TLCD3B: variants seen among roughly 807,000 people sequenced by gnomAD.
TLCD3B encodes the protein TLC domain containing 3B.
A neutral mutation model predicts 23.0 loss-of-function variants in TLCD3B; 9 were observed. That is an observed-to-expected ratio of 0.39 (90% CI 0.24 to 0.68). The LOEUF is 0.68. TLCD3B is among the 30% of genes least tolerant of loss of function. The pLI is 0.44. For synonymous variants in TLCD3B, 161 were observed against 161.0 expected (o/e 1.00, Z 0.00); for missense variants, 307 against 371.8 (o/e 0.83, Z 1.43).
At chr16:30,048,727 C>T (rs2071709048) in intron 1 of TLCD3B, among the ~76,000 whole-genome samples, 1 of 151,982 alleles carries the variant, frequency 6.6e-6, no homozygotes, top group Admixed American at 6.6e-5. Flanking sequence ...CTGCCTCAGC[C>T]TCCCGAGTAG....
Position 30,025,593 on chromosome 16 carries a change from C to G in TLCD3B, c.541-126G>C, listed in dbSNP as rs1451061921. On this transcript the variant is annotated intron_variant, in intron 4 of 4. Coordinates refer to ENST00000380495, the MANE Select transcript of TLCD3B (RefSeq NM_031478.6). The surrounding 1 kb of genome is among the most constrained non-coding windows in gnomAD (Gnocchi z 4.1). ...ACCAGACACTTTGCCAGGACACAAGCACCAGGTGCTCAAAATGCACGGGGT... is the reference window on the plus strand; with the variant it reads ...ACCAGACACTTTGCCAGGACACAAGGACCAGGTGCTCAAAATGCACGGGGT... The G allele has an allele frequency of 6.7e-7, 1 of 1,492,112 alleles. No homozygotes were observed. The allele number at this position is 1,492,112 out of a possible 1,614,324, so 92.4% of individuals were successfully genotyped here.
intron 3 of TLCD3B, 30 bp downstream of exon 3, chr16:30,026,579 A>ACC: frequency 8.8e-6 from 14 of 1,585,734 alleles, no homozygotes; most frequent in Non-Finnish European, 9.5e-6. Context: ...GGCCACCCGC[A>ACC]CCCCGCCCGC....
At chr16:30,046,432 G>A (rs901596785) in intron 1 of TLCD3B, 3 of 152,230 alleles carry the variant, frequency 2.0e-5, no homozygotes, top group Non-Finnish European at 2.9e-5. Flanking sequence ...CTGTGAATAA[G>A]TAAACAATAA....
In TLCD3B at chr16:30,025,160, G is replaced by A. The variant is rs749564235; in HGVS notation, c.*23C>T. ...TCTCCACGGGGGTGGGGGTGGGGAG[G>A]GGGAGGGTCCCGGCCCCCGGCCTCA... is the stretch of plus-strand genomic sequence containing the variant. On this transcript the variant is annotated 3_prime_UTR_variant, in exon 5 of 5. Transcript: ENST00000380495. This position sits in a 1 kb window ranked among gnomAD's most constrained non-coding sequence, Gnocchi z 4.1. 2.1e-6 allele frequency: 3 copies of A among 1,400,458 alleles called. No homozygotes were observed. The African/African-American group carries it at 4.4e-5, about 21-fold the overall frequency. 86.8% of individuals were successfully genotyped at this position (1,400,458 alleles called of 1,614,324 possible).
chr16:30,049,037 C>T (rs2071713644), intron 1 of TLCD3B, among the ~76,000 whole-genome samples: 1 of 152,216 alleles, frequency 6.6e-6, no homozygotes, highest in Admixed American at 6.5e-5. Context: ...TCCCAAAGTG[C>T]TGGGATTACA....
At chr16:30,026,929 GC>G in intron 2 of TLCD3B, 86 bp from the exon 3 acceptor site, 3 of 1,150,750 alleles carry the variant, frequency 2.6e-6, no homozygotes, top group Non-Finnish European at 3.8e-6. Context: ...CAGCACAGCA[GC>G]CCTGGACAGG....
At chr16:30,036,376 C>A in intron 3 of TLCD3B, 2 of 1,287,030 alleles carry the variant, frequency 1.6e-6, no homozygotes, top group Non-Finnish European at 2.0e-6. Flanking sequence ...ACATAGATAT[C>A]ATTTTTGTTT....
At position 30,030,610 on chromosome 16, in the gene TLCD3B, G is replaced by T; in HGVS notation, c.-83C>A. ...GTGGAAGGAGTTAGGGGTGGAGAAG[G>T]GACGCCAAGCCCGGGAAGGAGGGAG... is the stretch of plus-strand genomic sequence containing the variant. On this transcript the variant is annotated 5_prime_UTR_variant, in exon 1 of 5. Coordinates refer to ENST00000380495, the MANE Select transcript of TLCD3B (RefSeq NM_031478.6). 2 of 1,441,680 alleles carry T rather than the reference G, an allele frequency of 1.4e-6. No homozygotes were observed. Among genetic ancestry groups the T allele is most frequent in the South Asian group, 1.5e-5 (1 of 66,376 alleles). The allele number at this position is 1,441,680 out of a possible 1,614,324, so 89.3% of individuals were successfully genotyped here.
At chr16:30,044,769 G>A (rs2071631701) in intron 2 of TLCD3B, among the ~76,000 whole-genome samples, 1 of 152,096 alleles carries the variant, frequency 6.6e-6, no homozygotes, top group East Asian at 1.9e-4. Context: ...CTGGAGGCTG[G>A]CTCTCTCCTT....
chr16:30,025,146 G>T lies in TLCD3B; in HGVS notation c.*37C>A, dbSNP rs554564509. 2,885 of 1,298,676 alleles carry T rather than the reference G, an allele frequency of 2.2e-3. 5 individuals are homozygous for T. Among genetic ancestry groups the T allele is most frequent in the Middle Eastern group, 2.8e-3 (10 of 3,632 alleles). The allele number at this position is 1,298,676 out of a possible 1,614,324, so 80.4% of individuals were successfully genotyped here. A position where few individuals can be genotyped will look rare whatever the true frequency, so the allele number is the denominator to read the frequency against. On this transcript the variant is annotated 3_prime_UTR_variant, in exon 5 of 5. Transcript: ENST00000380495. This position sits in a 1 kb window ranked among gnomAD's most constrained non-coding sequence, Gnocchi z 4.1. The stretch of plus-strand genomic sequence containing the variant: ...GCCCCAGAGCCCTGTCTCCACGGGG[G>T]TGGGGGTGGGGAGGGGGAGGGTCCC...
intron 3 of TLCD3B, among the ~76,000 whole-genome samples, chr16:30,039,401 G>T (rs183585322): frequency 6.6e-6 from 1 of 152,054 alleles, no homozygotes; most frequent in Non-Finnish European, 1.5e-5. Flanking sequence ...GGGATTACAG[G>T]TGTGAGCCAC....
intron 2 of TLCD3B, among the ~76,000 whole-genome samples, chr16:30,027,986 C>T (rs939960770): frequency 6.6e-6 from 1 of 152,126 alleles, no homozygotes; most frequent in Non-Finnish European, 1.5e-5. Context: ...CCAGCAGGGA[C>T]GGTACCAGGG....
Position 30,025,305 on chromosome 16 carries a change from T to A in TLCD3B, c.703A>T (p.Asn235Tyr). Residue 235 changes from asparagine (N) to tyrosine (Y), a missense_variant, in exon 5 of 5, where the codon AAC becomes TAC. Coordinates refer to ENST00000380495, the MANE Select transcript of TLCD3B (RefSeq NM_031478.6). This position sits in a 1 kb window ranked among gnomAD's most constrained non-coding sequence, Gnocchi z 4.1. ...GCCAGGAGCAGCGCAGCGCCCAGGT[T>A]GACGTGGGCAGGGATGGCCAGGGGC... ...AVPLAIPAHV[N>Y]LGAALLLAPQ... The A allele has an allele frequency of 6.4e-7, 1 of 1,560,660 alleles. No individual in the cohort carries two copies. The highest frequency in any genetic ancestry group is 8.7e-7 in the Non-Finnish European group (1 of 1,152,006).
At chr16:30,046,011 G>C (rs966761179) in intron 2 of TLCD3B, among the ~76,000 whole-genome samples, 1 of 152,110 alleles carries the variant, frequency 6.6e-6, no homozygotes. Flanking sequence ...TTAGGAGGCT[G>C]AGGTGAGAGG....
rs1018184417 is a variant in TLCD3B, at chr16:30,039,103, C to CTTTTTTTTTTTTTTTT, written c.-67+1876_-67+1891dup. 1.0e-4 allele frequency among the ~76,000 whole-genome samples: 10 copies of CTTTTTTTTTTTTTTTT among 99,616 alleles called. 4 individuals are homozygous for CTTTTTTTTTTTTTTTT. The highest frequency in any genetic ancestry group is 1.2e-4 in the African/African-American group (3 of 24,232). The allele number at this position is 99,616 out of a possible 152,430, so 65.4% of individuals were successfully genotyped here. A position where few individuals can be genotyped will look rare whatever the true frequency, so the allele number is the denominator to read the frequency against. ...TTATCCTTCTCCTCCTCCTTCCTCT[C>CTTTTTTTTTTTTTTTT]TTTTTTTTTTTTTTTTTTTTTTTTT... On this transcript the variant is annotated intron_variant, in intron 3 of 6. Coordinates refer to the TLCD3B transcript ENST00000561666.
chr16:30,039,142 G>T (rs2071534158), intron 3 of TLCD3B, among the ~76,000 whole-genome samples: 1 of 107,744 alleles, frequency 9.3e-6, no homozygotes, highest in Non-Finnish European at 1.8e-5. Flanking sequence ...TTAGATGGAG[G>T]TTCGCTCTTG....
At chr16:30,040,147 A>AAAAAAAAAAT in intron 3 of TLCD3B, among the ~76,000 whole-genome samples, 26 of 95,902 alleles carry the variant, frequency 2.7e-4, no homozygotes, top group East Asian at 7.1e-4. Flanking sequence ...AAAAAAAAAA[A>AAAAAAAAAAT]ATATATATAT....
chr16:30,046,228 T>A (rs557300359), intron 2 of TLCD3B: 2 of 152,536 alleles, frequency 1.3e-5, no homozygotes, highest in Non-Finnish European at 2.9e-5. Flanking sequence ...TTGGCCACCA[T>A]CTTTCCTTCC....
upstream of TLCD3B, chr16:30,035,272 A>ATT: frequency 7.9e-7 from 1 of 1,268,542 alleles, no homozygotes; most frequent in Non-Finnish European, 1.0e-6. Context: ...TGCTTTCACC[A>ATT]CAAACTCATT....
Sources: allele counts gnomAD v4.1 joint callset (sites outside exome capture counted in the v4.1 genomes callset), GRCh38; gene constraint gnomAD v4.1.1; non-coding constraint Gnocchi (gnomAD v3.1); transcripts MANE v1.5; gene names NCBI Gene and HGNC (gene_info 2026-07-23, HGNC 2026-07-21).